The following MYO1D variants were observed in gnomAD, a reference collection of about 807,000 sequenced individuals.
MYO1D encodes unconventional myosin-Id.
Under a neutral mutation model 122.0 loss-of-function variants are expected in MYO1D, and 83 were observed. The ratio of observed to expected loss-of-function variants is 0.68; its 90% CI spans 0.57 to 0.82. MYO1D has a LOEUF of 0.82. MYO1D is among the 40% of genes least tolerant of loss of function. The pLI is 0.00. For synonymous variants in MYO1D, 464 were observed against 446.9 expected (o/e 1.04, Z -0.48); for missense variants, 1,157 against 1,269.5 (o/e 0.91, Z 1.35).
chr17:32,587,486 T>C (rs928342641), intron 21 of MYO1D, among the ~76,000 whole-genome samples: 5 of 142,576 alleles, frequency 3.5e-5, no homozygotes, highest in Non-Finnish European at 7.5e-5. Context: ...CACTCCAGCC[T>C]GGGTGACAAG....
chr17:32,783,212 T>C (rs2090258851), intron 1 of MYO1D, among the ~76,000 whole-genome samples: 1 of 152,144 alleles, frequency 6.6e-6, no homozygotes, highest in Non-Finnish European at 1.5e-5. Flanking sequence ...CCGGGAACTC[T>C]GCAACTAAGA....
chr17:32,656,135 G>A (rs1043290891), intron 17 of MYO1D, among the ~76,000 whole-genome samples: 6 of 152,198 alleles, frequency 3.9e-5, no homozygotes, highest in Non-Finnish European at 5.9e-5. Flanking sequence ...TTCTGCCACA[G>A]GAGCTTGAAG....
chr17:32,667,060 C>T lies in MYO1D; in HGVS notation c.2122-7722G>A, dbSNP rs77535554. 9.4e-4 allele frequency among the ~76,000 whole-genome samples: 143 copies of T among 152,260 alleles called. 1 individual carries two copies. The East Asian group carries it at 9.8e-3, about 10-fold the overall frequency. On this transcript the variant is annotated intron_variant, in intron 16 of 21. Transcript: ENST00000318217. ...ATTTGGGCAGAGTTCTGACACCTTA[C>T]GGTTGTTAAAAAGTTGTGGTAGAGG... is the stretch of plus-strand genomic sequence containing the variant.
chr17:32,528,078 C>T (rs1190549320), intron 21 of MYO1D, among the ~76,000 whole-genome samples: 3 of 152,192 alleles, frequency 2.0e-5, no homozygotes, highest in African/African-American at 7.2e-5. Flanking sequence ...ACCTTGTGAT[C>T]CACATACCTC....
intron 19 of MYO1D, among the ~76,000 whole-genome samples, chr17:32,649,606 C>T (rs112524500): frequency 0.14 from 18,419 of 127,694 alleles, 1,597 homozygotes; most frequent in Middle Eastern, 0.34. Flanking sequence ...GAGTCTCACT[C>T]TGTTGCCCAG....
chr17:32,663,139 G>C (rs1459453895), intron 16 of MYO1D, among the ~76,000 whole-genome samples: 1 of 151,988 alleles, frequency 6.6e-6, no homozygotes, highest in Non-Finnish European at 1.5e-5. Flanking sequence ...GGATGGTCTC[G>C]ATCTCCTGAC....
At chr17:32,678,265 T>TC (rs2088852684) in intron 16 of MYO1D, among the ~76,000 whole-genome samples, 1 of 151,654 alleles carries the variant, frequency 6.6e-6, no homozygotes, top group Admixed American at 6.6e-5. Flanking sequence ...TTTTTTTTTT[T>TC]CTTTTATTAT....
At chr17:32,849,341 T>C (rs1337594560) in intron 1 of MYO1D, among the ~76,000 whole-genome samples, 1 of 148,580 alleles carries the variant, frequency 6.7e-6, no homozygotes, top group Non-Finnish European at 1.5e-5. Context: ...CTATAAATCA[T>C]GCTGCTATAA....
chr17:32,659,134 G>C lies in MYO1D; in HGVS notation c.2326C>G (p.Leu776Val), dbSNP rs762258573. ...TCTTACCTATTGAAAATCGTCTGCA[G>C]GGCCTCCTCAAAACGGCGAAGAACT... ...PKVLRRFEEA[L>V]QTIFNRWRAS... The change falls in exon 17 of 22, where the codon CTG becomes GTG. Residue 776 changes from leucine to valine, a missense_variant. Transcript: ENST00000318217. 1 of 1,614,124 alleles carries C rather than the reference G, an allele frequency of 6.2e-7. No homozygotes were observed. The highest frequency in any genetic ancestry group is 2.2e-5 in the East Asian group (1 of 44,888).
rs559288974 is a variant in MYO1D at position 32,679,571 on chromosome 17, G to C, written c.2122-20233C>G. Among the ~76,000 whole-genome samples, 509 of 152,142 alleles carry C rather than the reference G, an allele frequency of 3.3e-3. 3 individuals carry two copies. Among genetic ancestry groups the C allele is most frequent in the African/African-American group, 0.012 (481 of 41,490 alleles). ...GTTTGTCAAAGATCAGATAGTTGTA[G>C]GTATGTGGCGTTATTTCTGAGGGCT... On this transcript the variant is annotated intron_variant, in intron 16 of 21. Coordinates refer to ENST00000318217, the MANE Select transcript of MYO1D (RefSeq NM_015194.3).
At chr17:32,611,574 T>C (rs2087702662) in intron 20 of MYO1D, among the ~76,000 whole-genome samples, 1 of 152,230 alleles carries the variant, frequency 6.6e-6, no homozygotes, top group Non-Finnish European at 1.5e-5. Context: ...TGTGGTGGCT[T>C]ACACCAGTAA....
At chr17:32,705,330 G>C (rs1234239971) in intron 16 of MYO1D, among the ~76,000 whole-genome samples, 1 of 152,104 alleles carries the variant, frequency 6.6e-6, no homozygotes, top group Admixed American at 6.5e-5. Flanking sequence ...CACGATCTCA[G>C]CTCACTGCAA....
At chr17:32,624,776 T>C (rs1018392648) in intron 20 of MYO1D, among the ~76,000 whole-genome samples, 5 of 150,866 alleles carry the variant, frequency 3.3e-5, no homozygotes, top group African/African-American at 9.8e-5. Flanking sequence ...CTTGTTTTCC[T>C]TTTTTGTATC....
At chr17:32,684,274 T>C (rs1164284817) in intron 16 of MYO1D, 2 of 152,860 alleles carry the variant, frequency 1.3e-5, no homozygotes, top group African/African-American at 2.4e-5. Context: ...TCCTCCCCCA[T>C]CTTTTTAAAA....
intron 21 of MYO1D, among the ~76,000 whole-genome samples, chr17:32,532,842 T>G (rs1372632005): frequency 6.6e-6 from 1 of 152,196 alleles, no homozygotes; most frequent in Non-Finnish European, 1.5e-5. Context: ...TTTGGCTTTA[T>G]CTACACTAAG....
intron 1 of MYO1D, among the ~76,000 whole-genome samples, chr17:32,837,417 G>A (rs531405768): frequency 1.0e-3 from 156 of 151,674 alleles, no homozygotes; most frequent in Admixed American, 1.8e-3. Context: ...TAATGGCTAT[G>A]CATTACTCAA....
At position 32,659,109 on chromosome 17, in the gene MYO1D, T is replaced by C. The variant is rs1366869128; in HGVS notation, c.2345+6A>G. On this transcript the variant is annotated splice_donor_region_variant and intron_variant, in intron 17 of 21. Coordinates refer to ENST00000318217, the MANE Select transcript of MYO1D (RefSeq NM_015194.3). ...ATGGATGCAGCACACAGCAGCACGT[T>C]CTTACCTATTGAAAATCGTCTGCAG... 14 of 1,612,554 alleles carry C rather than the reference T, an allele frequency of 8.7e-6. No homozygotes were observed. In the South Asian group the frequency reaches 1.2e-4, roughly 14 times the overall value.
Position 32,780,583 on chromosome 17 carries a change from C to T in MYO1D, c.297G>A (p.Val99=). ...GGGATCCCCTCCAATTACCTGATAT[C>T]ACAATACAAGTGTCTTTTGATCGCC... ...MKRRSKDTCI[V]ISGESGAGKT... is the part of the protein sequence containing the mutation. Residue 99 remains valine (V), a synonymous_variant, in exon 2 of 22, where the codon GTG becomes GTA. Coordinates refer to ENST00000318217, the MANE Select transcript of MYO1D (RefSeq NM_015194.3). 1 of 1,613,968 alleles carries T rather than the reference C, an allele frequency of 6.2e-7. No individual in the cohort carries two copies. The highest frequency in any genetic ancestry group is 2.2e-5 in the East Asian group (1 of 44,880).
chr17:32,699,196 C>T (rs1033979070), intron 16 of MYO1D, among the ~76,000 whole-genome samples: 5 of 152,016 alleles, frequency 3.3e-5, no homozygotes, highest in African/African-American at 1.2e-4. Context: ...AACTCCCGAC[C>T]TCGTGATCCC....
Sources: gnomAD v4.1 joint callset for allele counts (sites outside exome capture counted in the v4.1 genomes callset) on GRCh38, gnomAD v4.1.1 for gene constraint, MANE v1.5 for transcripts, NCBI Gene and HGNC (gene_info 2026-07-23, HGNC 2026-07-21) for gene names.